SETBP1: variants seen among roughly 807,000 people sequenced by gnomAD.
The protein encoded by SETBP1 is SET-binding protein.
In SETBP1, 9 loss-of-function variants were observed where a neutral mutation model predicts 101.0. The observed-to-expected ratio is 0.09, with a 90% confidence interval of 0.05 to 0.16. The LOEUF (loss-of-function observed/expected upper bound fraction) is 0.16. Ranked by LOEUF, SETBP1 falls within the 10% of genes least tolerant of loss-of-function variation. SETBP1 has a pLI of 1.00. For synonymous variants in SETBP1, 818 were observed against 788.5 expected (o/e 1.04, Z -0.63); for missense variants, 1,858 against 2,033.8 (o/e 0.91, Z 1.66).
chr18:44,963,664 G>A (rs993610367), intron 4 of SETBP1, among the ~76,000 whole-genome samples: 1 of 151,610 alleles, frequency 6.6e-6, no homozygotes. Flanking sequence ...CAAAGCAGGC[G>A]AATTGCCTGG....
At chr18:44,843,663 A>G (rs556514348) in intron 2 of SETBP1, among the ~76,000 whole-genome samples, 42 of 152,082 alleles carry the variant, frequency 2.8e-4, no homozygotes, top group Non-Finnish European at 5.1e-4. Context: ...GGTGGGTCAC[A>G]TGCCTCTCCA....
At chr18:45,040,543 T>C (rs1250213618) in intron 5 of SETBP1, among the ~76,000 whole-genome samples, 1 of 152,216 alleles carries the variant, frequency 6.6e-6, no homozygotes, top group East Asian at 1.9e-4. Flanking sequence ...AGCCTTTGTG[T>C]TTCCACCTTT....
chr18:45,036,058 G>A (rs998086740), intron 4 of SETBP1, among the ~76,000 whole-genome samples: 1 of 152,182 alleles, frequency 6.6e-6, no homozygotes, highest in African/African-American at 2.4e-5. Context: ...AAGTGGCCAG[G>A]TGCCGTGGCT....
chr18:44,954,953 A>AT lies in SETBP1; in HGVS notation c.4000+1618dup, dbSNP rs1320445519. The stretch of plus-strand genomic sequence containing the variant: ...CTAGCTGTGGACAGAAGATGTTCTT[A>AT]TTTTTGTAATTTTATGAGCCTTATT... On this transcript the variant is annotated intron_variant, in intron 4 of 5. Coordinates refer to ENST00000649279, the MANE Select transcript of SETBP1 (RefSeq NM_015559.3). Among the ~76,000 whole-genome samples, 3 of 152,168 alleles carry AT rather than the reference A, an allele frequency of 2.0e-5. No individual in the cohort carries two copies. The East Asian group carries it at 5.8e-4, about 29-fold the overall frequency.
intron 4 of SETBP1, among the ~76,000 whole-genome samples, chr18:45,033,273 A>G (rs950432478): frequency 1.3e-5 from 2 of 152,222 alleles, no homozygotes; most frequent in South Asian, 4.1e-4. Flanking sequence ...AAGAAAGAAC[A>G]TTGAATTAAG....
At chr18:44,850,440 G>A (rs555060742) in intron 2 of SETBP1, among the ~76,000 whole-genome samples, 47 of 151,226 alleles carry the variant, frequency 3.1e-4, no homozygotes, top group Non-Finnish European at 5.3e-4. Context: ...GTGGGATCTC[G>A]GCTCACTACA....
chr18:44,789,512 A>G (rs1229996003), intron 2 of SETBP1, among the ~76,000 whole-genome samples: 1 of 152,248 alleles, frequency 6.6e-6, no homozygotes, highest in African/African-American at 2.4e-5. Context: ...TCATCCGAGC[A>G]GTATGTGGAA....
intron 4 of SETBP1, among the ~76,000 whole-genome samples, chr18:45,000,349 G>C (rs981709450): frequency 2.0e-5 from 3 of 152,224 alleles, no homozygotes; most frequent in African/African-American, 7.2e-5. Context: ...CCAGGTGTGA[G>C]AGCTAGGCCC....
chr18:44,764,629 A>G (rs1568131475), intron 2 of SETBP1, among the ~76,000 whole-genome samples: 1 of 151,844 alleles, frequency 6.6e-6, no homozygotes, highest in Admixed American at 6.6e-5. Flanking sequence ...ACCTGCCACC[A>G]TGCCTGGCTA....
At chr18:44,892,466 A>G (rs1288395096) in intron 3 of SETBP1, among the ~76,000 whole-genome samples, 2 of 152,136 alleles carry the variant, frequency 1.3e-5, no homozygotes. Context: ...TTTAAAGCCC[A>G]TTTACCTGTG....
Position 44,890,152 on chromosome 18 carries a change from C to A in SETBP1, c.540+20869C>A, listed in dbSNP as rs1489956263. 3.3e-5 allele frequency among the ~76,000 whole-genome samples: 5 copies of A among 151,938 alleles called. No homozygotes were observed. In the East Asian group the frequency reaches 9.6e-4, roughly 29 times the overall value. ...CCTTGCAAGTTTCAAGGATACCATG[C>A]CTTGTTATTAACTATAGTCACTATG... On this transcript the variant is annotated intron_variant, in intron 3 of 5. Transcript: ENST00000649279.
At chr18:44,769,485 T>C (rs2070829008) in intron 2 of SETBP1, among the ~76,000 whole-genome samples, 1 of 152,262 alleles carries the variant, frequency 6.6e-6, no homozygotes, top group African/African-American at 2.4e-5. Flanking sequence ...CATTAAAAGA[T>C]ACCTATTTAG....
chr18:44,773,526 T>C (rs1052211455), intron 2 of SETBP1, among the ~76,000 whole-genome samples: 15 of 152,234 alleles, frequency 9.9e-5, no homozygotes, highest in African/African-American at 3.6e-4. Flanking sequence ...ATTGAAGTTA[T>C]GTTTTTAACA....
At chr18:44,978,000 A>T (rs942726426) in intron 4 of SETBP1, among the ~76,000 whole-genome samples, 2 of 152,234 alleles carry the variant, frequency 1.3e-5, no homozygotes, top group African/African-American at 4.8e-5. Context: ...TCTATTCTTG[A>T]ATCTGAGATA....
chr18:44,687,665 C>G (rs1166104071), intron 1 of SETBP1, among the ~76,000 whole-genome samples: 2 of 152,102 alleles, frequency 1.3e-5, no homozygotes, highest in Non-Finnish European at 2.9e-5. Flanking sequence ...GGAGATGGAA[C>G]AGACAAAGAC....
At chr18:44,953,917 G>A (rs1161835934) in intron 4 of SETBP1, among the ~76,000 whole-genome samples, 1 of 152,172 alleles carries the variant, frequency 6.6e-6, no homozygotes, top group African/African-American at 2.4e-5. Context: ...CATTTGATAA[G>A]CTGTCCTGGG....
At chr18:44,966,279 C>T (rs1427235422) in intron 4 of SETBP1, among the ~76,000 whole-genome samples, 2 of 152,170 alleles carry the variant, frequency 1.3e-5, no homozygotes. Context: ...TATTTCCTCA[C>T]TATGAGTCCT....
intron 4 of SETBP1, among the ~76,000 whole-genome samples, chr18:44,998,317 C>A (rs1312843375): frequency 6.6e-6 from 1 of 152,246 alleles, no homozygotes; most frequent in East Asian, 1.9e-4. Context: ...GGTATCTCTC[C>A]TCACACCAGG....
intron 3 of SETBP1, among the ~76,000 whole-genome samples, chr18:44,902,347 A>G (rs921233380): frequency 1.3e-5 from 2 of 152,136 alleles, no homozygotes; most frequent in Non-Finnish European, 2.9e-5. Context: ...TCTACATTAT[A>G]TAGTCTAATT....
Sources: allele counts gnomAD v4.1 joint callset (sites outside exome capture counted in the v4.1 genomes callset), GRCh38; gene constraint gnomAD v4.1.1; transcripts MANE v1.5; gene names NCBI Gene and HGNC (gene_info 2026-07-23, HGNC 2026-07-21).